Variants in PCDHA3 observed in about 807,000 individuals in gnomAD.
The protein encoded by PCDHA3 is protocadherin alpha 3.
A neutral mutation model predicts 62.2 loss-of-function variants in PCDHA3; 41 were observed. The observed-to-expected ratio is 0.66, with a 90% CI of 0.51 to 0.86. The LOEUF (loss-of-function observed/expected upper bound fraction) is 0.86, where lower values mean the gene tolerates loss of function less well. Ranked by LOEUF, PCDHA3 falls within the 40% of genes least tolerant of loss-of-function variation. The probability of loss-of-function intolerance (pLI) is 0.00; values close to 1 mark genes in which losing one functional copy is unlikely to be tolerated. For missense variants in PCDHA3, 1,304 were observed against 1,241.2 expected (o/e 1.05, Z -0.76); for synonymous variants, 640 against 555.4 (o/e 1.15, Z -2.14).
chr5:140,991,152 C>A (rs533894396), intron 3 of PCDHA3, among the ~76,000 whole-genome samples: 29 of 152,168 alleles, frequency 1.9e-4, no homozygotes, highest in Non-Finnish European at 3.2e-4. Flanking sequence ...TTTTGCTCAC[C>A]ATTGTATTCC....
At chr5:140,876,808 G>T in intron 1 of PCDHA3, 1 of 1,614,222 alleles carries the variant, frequency 6.2e-7, no homozygotes, top group Non-Finnish European at 8.5e-7. Flanking sequence ...CGTGGAGGTG[G>T]CCGACGTGAA....
intron 1 of PCDHA3, chr5:140,807,661 G>C (rs112291126): frequency 6.2e-6 from 10 of 1,614,194 alleles, no homozygotes; most frequent in East Asian, 2.2e-5. Context: ...AGGGCGCCTC[G>C]GATGCAGATA....
chr5:140,877,184 G>C (rs1554169429), intron 1 of PCDHA3: 1 of 1,613,842 alleles, frequency 6.2e-7, no homozygotes. Context: ...ACTCCGGCTG[G>C]CAGCGCAGGA....
At chr5:140,927,511 G>A (rs1563093224) in intron 1 of PCDHA3, 1 of 1,614,120 alleles carries the variant, frequency 6.2e-7, no homozygotes, top group Non-Finnish European at 8.5e-7. Context: ...TACAGCTCGG[G>A]ACGGCGGGCT....
intron 1 of PCDHA3, chr5:140,862,985 G>A: frequency 1.8e-6 from 1 of 547,112 alleles, no homozygotes; most frequent in Non-Finnish European, 3.6e-6. Flanking sequence ...GGTGGCGAAG[G>A]TGCGCACGGT....
intron 1 of PCDHA3, chr5:140,834,635 G>T: frequency 6.2e-7 from 1 of 1,614,092 alleles, no homozygotes; most frequent in African/African-American, 1.3e-5. Context: ...ATGGCATTTT[G>T]TTTGTGAATT....
intron 1 of PCDHA3, chr5:140,847,826 A>T (rs914616937): frequency 6.7e-6 from 1 of 149,784 alleles, no homozygotes; most frequent in Non-Finnish European, 1.5e-5. Flanking sequence ...TACTCAAGAA[A>T]ACTACCTCAG....
At chr5:140,951,988 A>C (rs2094668820) in intron 1 of PCDHA3, among the ~76,000 whole-genome samples, 1 of 152,226 alleles carries the variant, frequency 6.6e-6, no homozygotes, top group African/African-American at 2.4e-5. Context: ...GGGAAAAACC[A>C]GCCAAAAGAA....
Position 140,836,082 on chromosome 5 carries a change from G to A in PCDHA3, c.2394+32491G>A, listed in dbSNP as rs2150252202. On this transcript the variant is annotated intron_variant, in intron 1 of 3. Transcript: ENST00000522353. ...GAACGACAACGCGCCGGCACTGCTG[G>A]CGCCTCGGGTGGGTGGCACTGGTGG... 3.1e-6 allele frequency: 5 copies of A among 1,613,608 alleles called. No homozygotes were observed. The African/African-American group carries it at 5.3e-5, about 17-fold the overall frequency.
intron 2 of PCDHA3, 73 bp downstream of exon 2, chr5:140,979,080 A>T: frequency 1.3e-6 from 2 of 1,572,720 alleles, no homozygotes; most frequent in Non-Finnish European, 1.7e-6. Context: ...GCATCTCCAT[A>T]GGCCAGAAGC....
At chr5:140,807,035 G>A in intron 1 of PCDHA3, 2 of 938,898 alleles carry the variant, frequency 2.1e-6, no homozygotes, top group Non-Finnish European at 3.2e-6. Context: ...GAGGAAGAAG[G>A]GAAAATTCCT....
chr5:140,981,881 C>G (rs138571007), intron 2 of PCDHA3, among the ~76,000 whole-genome samples: 1 of 152,158 alleles, frequency 6.6e-6, no homozygotes, highest in Non-Finnish European at 1.5e-5. Context: ...CTGAATTAAT[C>G]TCTTCTGAGC....
chr5:140,884,886 A>G (rs1261353977), intron 1 of PCDHA3, among the ~76,000 whole-genome samples: 1 of 152,220 alleles, frequency 6.6e-6, no homozygotes, highest in Non-Finnish European at 1.5e-5. Flanking sequence ...CAAAACAAGA[A>G]TATTTTGTTT....
chr5:140,807,956 A>C lies in PCDHA3; in HGVS notation c.2394+4365A>C, dbSNP rs1554124359. ...GGTGAGATTACTAGAAAATGTTCCT[A>C]ATGGAACATTGGTAATTAAACTTAA... On this transcript the variant is annotated intron_variant, in intron 1 of 3. Coordinates refer to ENST00000522353, the MANE Select transcript of PCDHA3 (RefSeq NM_018906.3). The C allele has an allele frequency of 3.1e-6, 5 of 1,612,664 alleles. No homozygotes were observed. The Admixed American group carries it at 8.3e-5, about 27-fold the overall frequency.
rs782420859 is a variant in PCDHA3, at chr5:140,801,243, C to G, written c.46C>G (p.Leu16Val). The G allele has an allele frequency of 4.5e-5, 72 of 1,613,236 alleles. No homozygotes were observed. Among genetic ancestry groups the G allele is most frequent in the Non-Finnish European group, 6.0e-5 (71 of 1,179,500 alleles). The stretch of plus-strand genomic sequence containing the variant: ...AGATCCTGGAGCCCAGTGCCTGCTG[C>G]TTTCTCTTCTGCTCCTCGCAGCCTC... ...REDPGAQCLLLSLLLLAASEV... is the reference protein window; with the variant it reads ...REDPGAQCLLVSLLLLAASEV... The change falls in exon 1 of 4, where the codon CTT (leucine) becomes GTT (valine). Residue 16 changes from leucine to valine, a missense_variant. By Grantham distance (32) the Leu-to-Val change is conservative. Transcript: ENST00000522353.
intron 1 of PCDHA3, among the ~76,000 whole-genome samples, chr5:140,904,463 AT>A (rs2071154368): frequency 6.6e-6 from 1 of 151,520 alleles, no homozygotes; most frequent in Non-Finnish European, 1.5e-5. Flanking sequence ...ACACTTGTTG[AT>A]TGGTGGCTAT....
chr5:141,003,589 A>G (rs781995684), intron 3 of PCDHA3, among the ~76,000 whole-genome samples: 9 of 152,170 alleles, frequency 5.9e-5, no homozygotes, highest in Non-Finnish European at 1.3e-4. Context: ...CTGGGATTTT[A>G]GATGTGAGCC....
chr5:140,853,378 T>G, intron 1 of PCDHA3: 1 of 985,390 alleles, frequency 1.0e-6, no homozygotes, highest in Non-Finnish European at 1.2e-6. Context: ...ATGGTAAAAT[T>G]CAAAACAGCC....
At chr5:140,895,351 T>C (rs1367078085) in intron 1 of PCDHA3, among the ~76,000 whole-genome samples, 2 of 152,180 alleles carry the variant, frequency 1.3e-5, no homozygotes, top group Admixed American at 1.3e-4. Context: ...TGCTTTCCAG[T>C]GAGTACTTAT....
Sources: allele counts gnomAD v4.1 joint callset (sites outside exome capture counted in the v4.1 genomes callset), GRCh38; gene constraint gnomAD v4.1.1; transcripts MANE v1.5; gene names NCBI Gene and HGNC (gene_info 2026-07-23, HGNC 2026-07-21).